Variants in PPP2R2A observed in about 807,000 individuals in gnomAD.
PPP2R2A encodes protein phosphatase 2 regulatory subunit Balpha.
A neutral mutation model predicts 53.2 loss-of-function variants in PPP2R2A; 9 were observed. That is an observed-to-expected ratio of 0.17 (90% CI 0.10 to 0.30). The LOEUF is 0.30. PPP2R2A is among the 10% of genes least tolerant of loss of function. The probability of loss-of-function intolerance (pLI) is 1.00; values close to 1 mark genes in which losing one functional copy is unlikely to be tolerated. For missense variants in PPP2R2A, 235 were observed against 534.6 expected, an observed-to-expected ratio of 0.44 and a Z score of 5.53; for synonymous variants, 169 against 174.2, an observed-to-expected ratio of 0.97 and a Z score of 0.23.
intron 2 of PPP2R2A, among the ~76,000 whole-genome samples, chr8:26,326,959 A>G (rs1240996771): frequency 2.6e-5 from 4 of 152,228 alleles, no homozygotes; most frequent in African/African-American, 9.6e-5. Context: ...TTGCAGTAGG[A>G]TATGATTCCA....
At chr8:26,343,663 C>T (rs905449834) in intron 3 of PPP2R2A, among the ~76,000 whole-genome samples, 3 of 152,126 alleles carry the variant, frequency 2.0e-5, no homozygotes, top group Non-Finnish European at 4.4e-5. Context: ...TGAGCGTGAG[C>T]CACCGTGCCT....
chr8:26,345,011 TACA>T (rs1458926798), intron 3 of PPP2R2A, among the ~76,000 whole-genome samples: 2 of 152,212 alleles, frequency 1.3e-5, no homozygotes, highest in Non-Finnish European at 2.9e-5. Context: ...AAGATAATTA[TACA>T]ACATTTTAAA....
At chr8:26,332,022 C>T (rs946653891) in intron 2 of PPP2R2A, among the ~76,000 whole-genome samples, 1 of 152,080 alleles carries the variant, frequency 6.6e-6, no homozygotes, top group Non-Finnish European at 1.5e-5. Context: ...TCAGCTGTTT[C>T]AAATGGCACT....
chr8:26,362,608 GTT>G lies in PPP2R2A; in HGVS notation c.638-73_638-72del. On this transcript the variant is annotated intron_variant, in intron 6 of 9. Coordinates refer to ENST00000380737, the MANE Select transcript of PPP2R2A (RefSeq NM_002717.4). This position sits in a 1 kb window ranked among gnomAD's most constrained non-coding sequence, Gnocchi z 4.4. ...TATTTTTGCTTAGGTCCATGAATGG[GTT>G]TTAGGTTTGAGAAATGTAGAATTAT... is the stretch of plus-strand genomic sequence containing the variant. The G allele has an allele frequency of 7.0e-7, 1 of 1,421,606 alleles. No individual in the cohort carries two copies. Among genetic ancestry groups the G allele is most frequent in the Non-Finnish European group, 9.7e-7 (1 of 1,031,558 alleles). 88.1% of individuals were successfully genotyped at this position (1,421,606 alleles called of 1,614,324 possible).
intron 9 of PPP2R2A, among the ~76,000 whole-genome samples, chr8:26,366,928 C>A (rs576914410): frequency 4.7e-4 from 71 of 152,028 alleles, no homozygotes; most frequent in Non-Finnish European, 9.1e-4. Context: ...ATTCCTTTTT[C>A]GTATTCATTT....
At chr8:26,333,407 CA>C in intron 2 of PPP2R2A, 3 of 578,204 alleles carry the variant, frequency 5.2e-6, no homozygotes, top group South Asian at 2.8e-5. Flanking sequence ...TTGAGTATTT[CA>C]AATACCTTCA....
chr8:26,348,589 GA>G (rs1253368658), intron 3 of PPP2R2A, among the ~76,000 whole-genome samples: 1 of 152,036 alleles, frequency 6.6e-6, no homozygotes, highest in Non-Finnish European at 1.5e-5. Flanking sequence ...CCAAAATATG[GA>G]AAAAAATGTG....
Position 26,371,174 on chromosome 8 carries a change from A to G in PPP2R2A, c.*761A>G, listed in dbSNP as rs888309610. On this transcript the variant is annotated 3_prime_UTR_variant, in exon 10 of 10. Coordinates refer to ENST00000380737, the MANE Select transcript of PPP2R2A (RefSeq NM_002717.4). ...CTTTTTAACCTACCTCTTGTAGCCA[A>G]TATTTTGTGTCATACCTTTGGGCAC... 2 of 152,180 alleles carry G rather than the reference A, an allele frequency of 1.3e-5. No individual in the cohort carries two copies. Among genetic ancestry groups the G allele is most frequent in the African/African-American group, 4.8e-5 (2 of 41,426 alleles). 9.4% of individuals were successfully genotyped at this position (152,180 alleles called of 1,614,324 possible).
intron 3 of PPP2R2A, 56 bp downstream of exon 3, chr8:26,339,043 G>T: frequency 7.9e-7 from 1 of 1,272,818 alleles, no homozygotes; most frequent in East Asian, 2.3e-5. Flanking sequence ...ACTAGAGCTT[G>T]TGTTGCACTG....
chr8:26,294,533 TGA>T (rs1563278343), intron 2 of PPP2R2A, among the ~76,000 whole-genome samples: 1 of 152,216 alleles, frequency 6.6e-6, no homozygotes, highest in African/African-American at 2.4e-5. Context: ...TGAGAAATGT[TGA>T]AGTTTGAGTT....
At chr8:26,303,834 G>C (rs1264744290) in intron 2 of PPP2R2A, among the ~76,000 whole-genome samples, 2 of 152,180 alleles carry the variant, frequency 1.3e-5, no homozygotes, top group Non-Finnish European at 2.9e-5. Context: ...ATATCATCTA[G>C]ATCTTTGCTC....
intron 8 of PPP2R2A, chr8:26,366,112 C>T (rs1295886526): frequency 4.3e-6 from 2 of 467,692 alleles, no homozygotes; most frequent in African/African-American, 2.1e-5. Flanking sequence ...TTTGTCATAC[C>T]AGTAGGAAAA....
In PPP2R2A at chr8:26,295,539, G is replaced by A. The variant is rs75319127; in HGVS notation, c.82+1799G>A. 2.6e-3 allele frequency among the ~76,000 whole-genome samples: 392 copies of A among 152,298 alleles called. 3 individuals carry two copies. The highest frequency in any genetic ancestry group is 9.1e-3 in the African/African-American group (380 of 41,566). On this transcript the variant is annotated intron_variant, in intron 2 of 9. Transcript: ENST00000380737. ...TCAAAGTTTTCAAGAACCTATTGAC[G>A]TGAAGTTAGGAGATAAATCAGTTAT...
intron 2 of PPP2R2A, among the ~76,000 whole-genome samples, chr8:26,332,504 G>T (rs1412349071): frequency 1.3e-5 from 2 of 150,972 alleles, no homozygotes; most frequent in African/African-American, 4.9e-5. Flanking sequence ...ATATTAACTT[G>T]GTCCTTATGT....
chr8:26,328,647 T>G (rs1329824034), intron 2 of PPP2R2A, among the ~76,000 whole-genome samples: 1 of 152,200 alleles, frequency 6.6e-6, no homozygotes, highest in Non-Finnish European at 1.5e-5. Flanking sequence ...CTTTGTAACA[T>G]TTTAAAAACT....
intron 2 of PPP2R2A, among the ~76,000 whole-genome samples, chr8:26,320,264 A>T (rs970966794): frequency 3.3e-5 from 5 of 152,174 alleles, no homozygotes; most frequent in Non-Finnish European, 7.4e-5. Context: ...GAAAAAGCAG[A>T]ATCCTGGTTA....
At chr8:26,363,939 G>A (rs1175358562) in intron 8 of PPP2R2A, 49 bp downstream of exon 8, 4 of 1,454,630 alleles carry the variant, frequency 2.7e-6, no homozygotes, top group Non-Finnish European at 3.7e-6. Context: ...TTACTTTGAA[G>A]TGTTTATAGA....
intron 3 of PPP2R2A, among the ~76,000 whole-genome samples, chr8:26,347,346 C>T (rs563705576): frequency 2.0e-5 from 3 of 150,928 alleles, no homozygotes; most frequent in Non-Finnish European, 4.4e-5. Flanking sequence ...TGGGGAAGAG[C>T]GCTAGCATCT....
At chr8:26,369,681 T>C (rs1029114480) in intron 9 of PPP2R2A, among the ~76,000 whole-genome samples, 21 of 152,268 alleles carry the variant, frequency 1.4e-4, no homozygotes, top group African/African-American at 4.1e-4. Context: ...CGTGAGCCAC[T>C]GCGCCCGGCC....
Sources: allele counts gnomAD v4.1 joint callset (sites outside exome capture counted in the v4.1 genomes callset), GRCh38; gene constraint gnomAD v4.1.1; non-coding constraint Gnocchi (gnomAD v3.1); transcripts MANE v1.5; gene names NCBI Gene and HGNC (gene_info 2026-07-23, HGNC 2026-07-21).